Variants in RIPOR3 observed in about 807,000 individuals in gnomAD.
RIPOR3 encodes RIPOR family member 3.
In RIPOR3, 95 loss-of-function variants were observed where a neutral mutation model predicts 114.3. That is an observed-to-expected ratio of 0.83 (90% CI 0.70 to 0.99). RIPOR3 has a LOEUF of 0.99. RIPOR3 is among the 50% of genes least tolerant of loss of function. RIPOR3 has a pLI of 0.00. For synonymous variants in RIPOR3, 575 were observed against 543.8 expected, an observed-to-expected ratio of 1.06 and a Z score of -0.80; for missense variants, 1,252 against 1,266.9, an observed-to-expected ratio of 0.99 and a Z score of 0.18.
chr20:50,608,818 C>T, intron 9 of RIPOR3, 80 bp from the exon 10 acceptor site: 1 of 1,612,340 alleles, frequency 6.2e-7, no homozygotes, highest in Non-Finnish European at 8.5e-7. Flanking sequence ...CCCTGCCAGG[C>T]AGAGCCCCAG....
chr20:50,644,718 C>A (rs1173931486), intron 1 of RIPOR3, among the ~76,000 whole-genome samples: 24 of 115,320 alleles, frequency 2.1e-4, no homozygotes, highest in African/African-American at 7.2e-4. Context: ...GACGGAGTTT[C>A]ACCATGTTGC....
At chr20:50,677,612 T>C (rs2086717222) in intron 1 of RIPOR3, among the ~76,000 whole-genome samples, 1 of 151,750 alleles carries the variant, frequency 6.6e-6, no homozygotes, top group African/African-American at 2.4e-5. Context: ...CCTCAGGTGA[T>C]CCACCTGCCT....
rs911521037 is a variant in RIPOR3, at chr20:50,587,891, C to T, written c.2663G>A (p.Gly888Asp). 5.6e-6 allele frequency: 9 copies of T among 1,614,106 alleles called. No individual in the cohort carries two copies. Among genetic ancestry groups the T allele is most frequent in the Non-Finnish European group, 6.8e-6 (8 of 1,180,036 alleles). Residue 888 changes from glycine (G) to aspartate (D), a missense_variant and splice_region_variant, in exon 21 of 22, where the codon GGC becomes GAC. Coordinates refer to ENST00000327979, the MANE Select transcript of RIPOR3 (RefSeq NM_001290268.2). ...GGCAGTCTGGTCGATGCTTTCAATGCCCTGTTCGAGATTAGGAGAAAAAGA... is the reference window on the plus strand; with the variant it reads ...GGCAGTCTGGTCGATGCTTTCAATGTCCTGTTCGAGATTAGGAGAAAAAGA... Reference protein sequence around the residue: ...AACLALKHLKGIESIDQTASL... With the variant: ...AACLALKHLKDIESIDQTASL...
chr20:50,606,075 A>T (rs1009690411), intron 11 of RIPOR3, among the ~76,000 whole-genome samples: 1 of 152,232 alleles, frequency 6.6e-6, no homozygotes, highest in Non-Finnish European at 1.5e-5. Flanking sequence ...GCATGGTGGC[A>T]GGCACCTGTG....
chr20:50,594,262 T>G (rs545249819), intron 17 of RIPOR3, among the ~76,000 whole-genome samples: 2 of 125,688 alleles, frequency 1.6e-5, no homozygotes, highest in East Asian at 2.2e-4. Flanking sequence ...GGCGACAGAG[T>G]GAGACTCCAT....
At position 50,602,476 on chromosome 20, in the gene RIPOR3, C is replaced by G; in HGVS notation, c.1255G>C (p.Glu419Gln). The G allele has an allele frequency of 1.9e-6, 3 of 1,561,042 alleles. No homozygotes were observed. The South Asian group carries it at 3.5e-5, about 18-fold the overall frequency. ...GAGGTGGACGCCGACGTGCTGGTCTCCGTGTCTCGGGGGTCCTCAGAGCTG... is the reference window on the plus strand; with the variant it reads ...GAGGTGGACGCCGACGTGCTGGTCTGCGTGTCTCGGGGGTCCTCAGAGCTG... Reference protein sequence around the residue: ...SFSSEDPRDTETSTSASTSDV... With the variant: ...SFSSEDPRDTQTSTSASTSDV... The change falls in exon 13 of 22, where the codon GAG becomes CAG. Residue 419 changes from glutamate to glutamine, a missense_variant. Glu to Gln is a conservative substitution (Grantham distance 29, BLOSUM62 2). Coordinates refer to ENST00000327979, the MANE Select transcript of RIPOR3 (RefSeq NM_001290268.2). The surrounding 1 kb of genome is among the most constrained non-coding windows in gnomAD (Gnocchi z 4.3).
chr20:50,667,185 C>T (rs1450776835), intron 1 of RIPOR3, among the ~76,000 whole-genome samples: 1 of 151,974 alleles, frequency 6.6e-6, no homozygotes, highest in African/African-American at 2.4e-5. Context: ...CTCCAGCCCA[C>T]TTAAATGGAC....
intron 1 of RIPOR3, among the ~76,000 whole-genome samples, chr20:50,645,067 C>G (rs2085355534): frequency 6.6e-6 from 1 of 152,210 alleles, no homozygotes; most frequent in East Asian, 1.9e-4. Flanking sequence ...GTCTCAAACT[C>G]CTGACCTCAG....
At chr20:50,671,635 G>A (rs1421973145) in intron 1 of RIPOR3, among the ~76,000 whole-genome samples, 1 of 152,196 alleles carries the variant, frequency 6.6e-6, no homozygotes, top group Admixed American at 6.5e-5. Context: ...CTGTATGTGT[G>A]TACCCTCATC....
At chr20:50,596,033 AG>A in intron 15 of RIPOR3, 106 bp downstream of exon 15, 1 of 1,489,040 alleles carries the variant, frequency 6.7e-7, no homozygotes, top group Non-Finnish European at 9.1e-7. Flanking sequence ...TCCAGGATGC[AG>A]GTCTGTCACC....
chr20:50,586,996 G>T lies in RIPOR3; in HGVS notation c.*236C>A. On this transcript the variant is annotated 3_prime_UTR_variant, in exon 22 of 22. Coordinates refer to ENST00000327979, the MANE Select transcript of RIPOR3 (RefSeq NM_001290268.2). ...CCCTCAGCCAGAAGTTGAGCGCTCT[G>T]TTGAGGCCGTGCAGCCCCTGGAATG... 1 of 512,804 alleles carries T rather than the reference G, an allele frequency of 2.0e-6. No homozygotes were observed. Among genetic ancestry groups the T allele is most frequent in the Non-Finnish European group, 3.5e-6 (1 of 284,220 alleles). 31.8% of individuals were successfully genotyped at this position (512,804 alleles called of 1,614,324 possible). A position where few individuals can be genotyped will look rare whatever the true frequency, so the allele number is the denominator to read the frequency against.
intron 11 of RIPOR3, among the ~76,000 whole-genome samples, chr20:50,607,721 G>A (rs1038188334): frequency 1.3e-5 from 2 of 152,136 alleles, no homozygotes; most frequent in Admixed American, 6.5e-5. Context: ...CGAGGGAGAG[G>A]GCAGCAGCTT....
At chr20:50,608,340 AG>A in intron 11 of RIPOR3, 48 bp downstream of exon 11, 1 of 1,608,946 alleles carries the variant, frequency 6.2e-7, no homozygotes. Flanking sequence ...CCAGGCCACC[AG>A]GGGCAGCCAG....
chr20:50,691,079 C>G (rs1348097309), intron 1 of RIPOR3, 47 bp downstream of exon 1: 1 of 1,289,408 alleles, frequency 7.8e-7, no homozygotes, highest in Non-Finnish European at 1.0e-6. Context: ...TCTGTCCACA[C>G]AAGGCGGCGT....
intron 19 of RIPOR3, 179 bp from the exon 20 acceptor site, chr20:50,589,948 C>T (rs976310366): frequency 1.4e-5 from 8 of 561,424 alleles, no homozygotes; most frequent in Non-Finnish European, 2.3e-5. Flanking sequence ...AAGATCTATA[C>T]TGTGGTGTTT....
chr20:50,597,592 G>A lies in RIPOR3; in HGVS notation c.1778C>T (p.Ser593Phe), dbSNP rs774417162. Residue 593 changes from serine (S) to phenylalanine (F), a missense_variant, in exon 14 of 22, where the codon TCC becomes TTC. Coordinates refer to ENST00000327979, the MANE Select transcript of RIPOR3 (RefSeq NM_001290268.2). ...ALDELSLFGG[S>F]QGLRKDRPLP... The stretch of plus-strand genomic sequence containing the variant: ...GAGGTGCACTCACCGGAGACCCTGG[G>A]AGCCCCCAAACAGGGACAGCTCATC... 1.9e-6 allele frequency: 3 copies of A among 1,607,160 alleles called. No individual in the cohort carries two copies. Among genetic ancestry groups the A allele is most frequent in the Non-Finnish European group, 2.5e-6 (3 of 1,176,906 alleles).
intron 14 of RIPOR3, among the ~76,000 whole-genome samples, chr20:50,596,522 C>T (rs899482699): frequency 2.2e-4 from 34 of 152,178 alleles, no homozygotes; most frequent in African/African-American, 8.2e-4. Flanking sequence ...AAGAGAATTC[C>T]AACTCATCCC....
intron 4 of RIPOR3, among the ~76,000 whole-genome samples, chr20:50,615,244 G>A (rs926025983): frequency 1.2e-4 from 18 of 151,052 alleles, no homozygotes; most frequent in Non-Finnish European, 2.4e-4. Context: ...CACTGCCTTG[G>A]CTGGCACAGT....
At chr20:50,657,087 T>G (rs2085837012) in intron 1 of RIPOR3, among the ~76,000 whole-genome samples, 1 of 152,164 alleles carries the variant, frequency 6.6e-6, no homozygotes, top group Non-Finnish European at 1.5e-5. Flanking sequence ...CCTACAGATG[T>G]GTATGAGAGA....
Sources: gnomAD v4.1 joint callset for allele counts (sites outside exome capture counted in the v4.1 genomes callset) on GRCh38, gnomAD v4.1.1 for gene constraint, Gnocchi (gnomAD v3.1) non-coding constraint, MANE v1.5 for transcripts, NCBI Gene and HGNC (gene_info 2026-07-23, HGNC 2026-07-21) for gene names.